MYOM3: variants seen among roughly 807,000 people sequenced by gnomAD.
MYOM3 encodes myomesin-3.
MYOM3 carries 155 observed loss-of-function variants against 191.7 expected under a neutral mutation model. The ratio of observed to expected loss-of-function variants is 0.81; its 90% CI spans 0.71 to 0.92. The LOEUF (loss-of-function observed/expected upper bound fraction) is 0.92, where lower values mean the gene tolerates loss of function less well. Ranked by LOEUF, MYOM3 falls within the 40% of genes least tolerant of loss-of-function variation. The probability of loss-of-function intolerance (pLI) is 0.00; values close to 1 mark genes in which losing one functional copy is unlikely to be tolerated. For synonymous variants in MYOM3, 757 were observed against 762.9 expected, an observed-to-expected ratio of 0.99 and a Z score of 0.13; for missense variants, 1,889 against 1,890.6, an observed-to-expected ratio of 1.00 and a Z score of 0.02.
chr1:24,096,230 G>A (rs1164940562), intron 7 of MYOM3, among the ~76,000 whole-genome samples: 1 of 152,226 alleles, frequency 6.6e-6, no homozygotes, highest in East Asian at 1.9e-4. Context: ...CAGTGGAAGA[G>A]TCAGGATTGG....
At chr1:24,058,662 T>C (rs1167191985) in intron 36 of MYOM3, among the ~76,000 whole-genome samples, 1 of 152,192 alleles carries the variant, frequency 6.6e-6, no homozygotes, top group African/African-American at 2.4e-5. Context: ...GACATTTCTT[T>C]TGGACGCTGA....
rs1377158180 is a variant in MYOM3 at position 24,068,367 on chromosome 1, T to G, written c.3151A>C (p.Asn1051His). Residue 1051 changes from asparagine to histidine, a missense_variant and splice_region_variant, in exon 26 of 37, where the codon AAC becomes CAC. Transcript: ENST00000374434. ...TCTCGGTCAAAATTGATTTTGCGGT[T>G]CTGAAAAGGACAAACTCCAGAGTCC... is the stretch of plus-strand genomic sequence containing the variant. The part of the protein sequence containing the change: ...FNNKEIFSSP[N>H]RKINFDREKG... The G allele has an allele frequency of 2.5e-6, 4 of 1,614,176 alleles. No homozygotes were observed. The Admixed American group carries it at 6.7e-5, about 27-fold the overall frequency.
chr1:24,084,743 G>T, intron 15 of MYOM3, 104 bp from the exon 16 acceptor site: 1 of 1,053,570 alleles, frequency 9.5e-7, no homozygotes, highest in Non-Finnish European at 1.4e-6. Context: ...AGCTCCCACA[G>T]CAATCAAGGT....
chr1:24,087,378 C>T lies in MYOM3; in HGVS notation c.1615-551G>A, dbSNP rs920367230. ...CCATCAGGGGGATCCTTTTATAGCA[C>T]GTGTCAGACCAGGTCCCTGTCTGCC... On this transcript the variant is annotated intron_variant, in intron 14 of 36. Coordinates refer to ENST00000374434, the MANE Select transcript of MYOM3 (RefSeq NM_152372.4). This position sits in a 1 kb window ranked among gnomAD's most constrained non-coding sequence, Gnocchi z 4.5. Among the ~76,000 whole-genome samples, 8 of 152,120 alleles carry T rather than the reference C, an allele frequency of 5.3e-5. No individual in the cohort carries two copies. Among genetic ancestry groups the T allele is most frequent in the East Asian group, 1.9e-4 (1 of 5,178 alleles).
chr1:24,086,678 C>A lies in MYOM3; in HGVS notation c.1764G>T (p.Glu588Asp). Residue 588 changes from glutamate to aspartate, a missense_variant, in exon 15 of 37, where the codon GAG (glutamate) becomes GAT (aspartate). Coordinates refer to ENST00000374434, the MANE Select transcript of MYOM3 (RefSeq NM_152372.4). The part of the protein sequence containing the change: ...MNQYGLSDPS[E>D]PSEPIALRGP... Reference sequence around the variant, plus strand: ...CCCGCAAGGCGATGGGTTCGCTGGGCTCCGAGGGATCGCTCAGGCCATACT... The same window carrying A: ...CCCGCAAGGCGATGGGTTCGCTGGGATCCGAGGGATCGCTCAGGCCATACT... The A allele has an allele frequency of 1.2e-6, 2 of 1,614,110 alleles. No individual in the cohort carries two copies. Among genetic ancestry groups the A allele is most frequent in the Non-Finnish European group, 1.7e-6 (2 of 1,179,990 alleles).
chr1:24,095,049 C>A, intron 8 of MYOM3, 59 bp from the exon 9 acceptor site: 2 of 1,553,916 alleles, frequency 1.3e-6, no homozygotes, highest in Admixed American at 1.9e-5. Flanking sequence ...TGGCCTGGGA[C>A]TTAGGAGTGA....
rs944883982 is a variant in MYOM3, at chr1:24,111,749, T to C, written c.-19+282A>G. Among the ~76,000 whole-genome samples the C allele has an allele frequency of 6.6e-6, 1 of 151,868 alleles. No homozygotes were observed. Among genetic ancestry groups the C allele is most frequent in the African/African-American group, 2.4e-5 (1 of 41,336 alleles). On this transcript the variant is annotated intron_variant, in intron 1 of 36. Transcript: ENST00000374434. The surrounding 1 kb of genome is among the most constrained non-coding windows in gnomAD (Gnocchi z 4.7). The stretch of plus-strand genomic sequence containing the variant: ...CCCAGGGCAGCCCCCACTCTTTTTT[T>C]TTTTTTTGCAACTTTCACATCACAG...
intron 25 of MYOM3, among the ~76,000 whole-genome samples, chr1:24,068,931 C>T (rs1378216123): frequency 6.6e-6 from 1 of 152,098 alleles, no homozygotes; most frequent in Non-Finnish European, 1.5e-5. Flanking sequence ...ACCATGTTGG[C>T]CAGGCTGGTC....
At chr1:24,100,115 C>T (rs1570885139) in intron 5 of MYOM3, among the ~76,000 whole-genome samples, 1 of 152,186 alleles carries the variant, frequency 6.6e-6, no homozygotes, top group South Asian at 2.1e-4. Flanking sequence ...GTGATCCGCC[C>T]GCCTCAGCCT....
intron 25 of MYOM3, among the ~76,000 whole-genome samples, chr1:24,070,397 C>T (rs1392730782): frequency 6.7e-6 from 1 of 149,916 alleles, no homozygotes; most frequent in Non-Finnish European, 1.5e-5. Flanking sequence ...GCCTGGGCAA[C>T]AAGGCAAAAC....
intron 1 of MYOM3, among the ~76,000 whole-genome samples, chr1:24,109,558 C>T (rs1219902029): frequency 6.6e-6 from 1 of 152,204 alleles, no homozygotes; most frequent in Non-Finnish European, 1.5e-5. Flanking sequence ...TATTTTGTAT[C>T]TGTGCATCTT....
intron 17 of MYOM3, 175 bp from the exon 18 acceptor site, chr1:24,082,363 G>C: frequency 3.5e-6 from 3 of 852,048 alleles, no homozygotes; most frequent in Non-Finnish European, 5.3e-6. Context: ...CAGGTTTCTG[G>C]GTCTGAGGGC....
At chr1:24,103,613 C>T (rs905028662) in intron 5 of MYOM3, among the ~76,000 whole-genome samples, 8 of 152,306 alleles carry the variant, frequency 5.3e-5, no homozygotes, top group East Asian at 1.9e-4. Context: ...TTTTCGGTGG[C>T]TAGTGACCCT....
Position 24,082,603 on chromosome 1 carries a change from C to G in MYOM3, c.2082G>C (p.Lys694Asn). 1 of 1,606,402 alleles carries G rather than the reference C, an allele frequency of 6.2e-7. No homozygotes were observed. The highest frequency in any genetic ancestry group is 8.5e-7 in the Non-Finnish European group (1 of 1,177,150). ...SSAATEPIRV[K>N]QALATPSAPY... is the part of the protein sequence containing the mutation. ...TGCCCTTGGACTCACCCAGAGCCTGCTTGACCCTGATGGGCTCGGTGGCGG... is the reference window on the plus strand; with the variant it reads ...TGCCCTTGGACTCACCCAGAGCCTGGTTGACCCTGATGGGCTCGGTGGCGG... Residue 694 changes from lysine to asparagine, a missense_variant, in exon 17 of 37, where the codon AAG becomes AAC. By Grantham distance (94) the Lys-to-Asn change is moderately conservative (BLOSUM62 0). Coordinates refer to ENST00000374434, the MANE Select transcript of MYOM3 (RefSeq NM_152372.4).
intron 28 of MYOM3, chr1:24,066,564 C>T (rs1233296980): frequency 1.3e-5 from 5 of 391,340 alleles, no homozygotes; most frequent in South Asian, 7.1e-5. Context: ...AACCTGGGCT[C>T]TCCCTCTTAC....
intron 21 of MYOM3, 55 bp from the exon 22 acceptor site, chr1:24,075,530 C>A: frequency 6.7e-7 from 1 of 1,496,660 alleles, no homozygotes; most frequent in Non-Finnish European, 8.9e-7. Context: ...TAAACCAGGT[C>A]ACACCCCTCC....
chr1:24,057,555 C>G lies in MYOM3; in HGVS notation c.4123G>C (p.Val1375Leu). Residue 1375 changes from valine to leucine, a missense_variant, in exon 37 of 37, where the codon GTC becomes CTC. Coordinates refer to ENST00000374434, the MANE Select transcript of MYOM3 (RefSeq NM_152372.4). ...ATGCGGTATCGGTCAAGGAAGGTGA[C>G]AGGCTGGTCATTCTTCAGCCAAGAG... The part of the protein sequence containing the change: ...EISWLKNDQP[V>L]TFLDRYRMEV... 2 of 1,614,132 alleles carry G rather than the reference C, an allele frequency of 1.2e-6. No homozygotes were observed. Among genetic ancestry groups the G allele is most frequent in the East Asian group, 2.2e-5 (1 of 44,878 alleles).
At chr1:24,108,300 A>C (rs1225098722) in intron 2 of MYOM3, 176 bp downstream of exon 2, 2 of 768,748 alleles carry the variant, frequency 2.6e-6, no homozygotes, top group East Asian at 5.7e-5. Flanking sequence ...CTTCCATCAC[A>C]TGGGGGTCTC....
At chr1:24,070,980 A>T in intron 25 of MYOM3, 137 bp downstream of exon 25, 1 of 1,123,192 alleles carries the variant, frequency 8.9e-7, no homozygotes. Context: ...CGTCCTCATC[A>T]CTGCAACAGC....
Sources: gnomAD v4.1 joint callset for allele counts (sites outside exome capture counted in the v4.1 genomes callset) on GRCh38, gnomAD v4.1.1 for gene constraint, Gnocchi (gnomAD v3.1) non-coding constraint, MANE v1.5 for transcripts, NCBI Gene and HGNC (gene_info 2026-07-23, HGNC 2026-07-21) for gene names.